KIAA1217: variants seen among roughly 807,000 people sequenced by gnomAD.
The protein encoded by KIAA1217 is sickle tail protein homolog.
In KIAA1217, 88 loss-of-function variants were observed where a neutral mutation model predicts 163.9. The observed-to-expected ratio is 0.54, with a 90% CI of 0.45 to 0.64. KIAA1217 has a LOEUF of 0.64. Ranked by LOEUF, KIAA1217 falls within the 30% of genes least tolerant of loss-of-function variation. KIAA1217 has a pLI of 0.00. For missense variants in KIAA1217, 2,372 were observed against 2,475.0 expected, an observed-to-expected ratio of 0.96 and a Z score of 0.88; for synonymous variants, 903 against 923.1, an observed-to-expected ratio of 0.98 and a Z score of 0.39.
At chr10:24,098,371 T>A (rs2062247261) in intron 2 of KIAA1217, among the ~76,000 whole-genome samples, 1 of 151,718 alleles carries the variant, frequency 6.6e-6, no homozygotes, top group Non-Finnish European at 1.5e-5. Flanking sequence ...GAAAGCAGAG[T>A]GTCTGAAATA....
intron 2 of KIAA1217, among the ~76,000 whole-genome samples, chr10:24,095,668 C>T (rs906835317): frequency 2.0e-5 from 3 of 152,190 alleles, no homozygotes; most frequent in African/African-American, 7.2e-5. Flanking sequence ...CTCTATCACT[C>T]TTATGGTCTC....
chr10:24,230,502 G>GTTT (rs71397936), intron 2 of KIAA1217, among the ~76,000 whole-genome samples: 3,187 of 90,492 alleles, frequency 0.035, 255 homozygotes, highest in East Asian at 0.11. Flanking sequence ...TATTTGTTTT[G>GTTT]TTTTTTTTTT....
intron 1 of KIAA1217, among the ~76,000 whole-genome samples, chr10:23,709,560 A>C (rs1712586223): frequency 6.6e-6 from 1 of 151,978 alleles, no homozygotes; most frequent in African/African-American, 2.4e-5. Context: ...AAAGAAATAG[A>C]AACTTCCTTT....
chr10:24,025,858 T>G (rs572590295), intron 2 of KIAA1217, among the ~76,000 whole-genome samples: 1 of 151,856 alleles, frequency 6.6e-6, no homozygotes, highest in Non-Finnish European at 1.5e-5. Flanking sequence ...TTACCTCATC[T>G]TCCGTGACCT....
chr10:23,752,926 T>G (rs1187779603), intron 1 of KIAA1217, among the ~76,000 whole-genome samples: 1 of 152,146 alleles, frequency 6.6e-6, no homozygotes, highest in Non-Finnish European at 1.5e-5. Context: ...TTGTGAAGAA[T>G]TATCACCCCC....
intron 1 of KIAA1217, among the ~76,000 whole-genome samples, chr10:23,957,750 C>T (rs1844633940): frequency 6.6e-6 from 1 of 152,034 alleles, no homozygotes; most frequent in African/African-American, 2.4e-5. Context: ...AACTCCCAAC[C>T]AACTTTTCCT....
At chr10:24,025,052 A>G (rs554292291) in intron 2 of KIAA1217, among the ~76,000 whole-genome samples, 1 of 151,742 alleles carries the variant, frequency 6.6e-6, no homozygotes, top group African/African-American at 2.4e-5. Context: ...TTCTTATTTT[A>G]TGGTTCCCAC....
In KIAA1217 at chr10:23,937,014, G is replaced by T. The variant is rs574433637; in HGVS notation, c.-320-70211G>T. On this transcript the variant is annotated intron_variant, in intron 1 of 18. Coordinates refer to the KIAA1217 transcript ENST00000376462. The stretch of plus-strand genomic sequence containing the variant: ...CTTCCTCAGTCACATGAGTAGCTAG[G>T]ACCATAGGCACCTGCCATGATGCCT... 1.4e-3 allele frequency among the ~76,000 whole-genome samples: 217 copies of T among 152,182 alleles called. 3 individuals carry two copies. The highest frequency in any genetic ancestry group is 4.8e-3 in the African/African-American group (201 of 41,514).
At chr10:23,966,055 C>A (rs1845054734) in intron 1 of KIAA1217, among the ~76,000 whole-genome samples, 2 of 152,212 alleles carry the variant, frequency 1.3e-5, no homozygotes, top group Non-Finnish European at 2.9e-5. Context: ...CTGAGCACAT[C>A]CCTGCTGGCA....
intron 2 of KIAA1217, among the ~76,000 whole-genome samples, chr10:24,372,086 C>T (rs1166344681): frequency 6.6e-6 from 1 of 152,098 alleles, no homozygotes; most frequent in Non-Finnish European, 1.5e-5. Flanking sequence ...GGGTTGAAAA[C>T]CCATTGAATA....
At chr10:24,285,354 G>A (rs2078434540) in intron 2 of KIAA1217, among the ~76,000 whole-genome samples, 1 of 152,116 alleles carries the variant, frequency 6.6e-6, no homozygotes, top group African/African-American at 2.4e-5. Flanking sequence ...TTTTTATAGT[G>A]TGAGGTCTTA....
At chr10:24,137,402 T>A (rs1194543789) in intron 2 of KIAA1217, among the ~76,000 whole-genome samples, 1 of 152,226 alleles carries the variant, frequency 6.6e-6, no homozygotes, top group Non-Finnish European at 1.5e-5. Flanking sequence ...GAGATTGCTG[T>A]CTTCTTGGTG....
intron 1 of KIAA1217, among the ~76,000 whole-genome samples, chr10:23,872,817 T>C (rs1840522328): frequency 1.3e-5 from 2 of 152,062 alleles, no homozygotes; most frequent in Admixed American, 6.6e-5. Context: ...ATTTTTAGAA[T>C]AGGAATGGAG....
At chr10:23,805,257 G>T (rs1163024809) in intron 1 of KIAA1217, among the ~76,000 whole-genome samples, 1 of 152,078 alleles carries the variant, frequency 6.6e-6, no homozygotes, top group African/African-American at 2.4e-5. Context: ...CAAAGACACA[G>T]AATTGACCTA....
chr10:24,543,248 A>T lies in KIAA1217; in HGVS notation c.3978A>T (p.Thr1326=). 6.2e-7 allele frequency: 1 copy of T among 1,614,136 alleles called. No individual in the cohort carries two copies. Among genetic ancestry groups the T allele is most frequent in the Non-Finnish European group, 8.5e-7 (1 of 1,180,024 alleles). The change falls in exon 19 of 21, where the codon ACA becomes ACT. Residue 1326 remains threonine (T), a synonymous_variant. Coordinates refer to ENST00000376454, the MANE Select transcript of KIAA1217 (RefSeq NM_019590.5). ...KCHVSSHTRL[T]ESSVHDFKTE... Reference sequence around the variant, plus strand: ...ACGTTTCCTCTCACACTAGACTAACAGAATCAAGCGTGCATGATTTTAAAA... The same window carrying T: ...ACGTTTCCTCTCACACTAGACTAACTGAATCAAGCGTGCATGATTTTAAAA...
intron 1 of KIAA1217, among the ~76,000 whole-genome samples, chr10:24,004,573 G>A (rs1160075577): frequency 3.3e-5 from 5 of 152,136 alleles, no homozygotes; most frequent in Non-Finnish European, 5.9e-5. Flanking sequence ...TGCTTACTAC[G>A]AAGAGATCCA....
At chr10:24,294,850 C>T (rs2040401686) in intron 2 of KIAA1217, among the ~76,000 whole-genome samples, 1 of 152,110 alleles carries the variant, frequency 6.6e-6, no homozygotes, top group Non-Finnish European at 1.5e-5. Flanking sequence ...GTCCACATTG[C>T]CAGGGTGTCA....
intron 16 of KIAA1217, among the ~76,000 whole-genome samples, chr10:24,534,055 T>C (rs1209895962): frequency 6.6e-6 from 1 of 152,216 alleles, no homozygotes; most frequent in Non-Finnish European, 1.5e-5. Context: ...CACCAGCACC[T>C]TGGGGCTCAA....
chr10:23,893,980 G>A (rs1021113711), intron 1 of KIAA1217, among the ~76,000 whole-genome samples: 2 of 151,928 alleles, frequency 1.3e-5, no homozygotes, highest in Non-Finnish European at 2.9e-5. Context: ...GGTATTGATG[G>A]GATGTATCTC....
Sources: gnomAD v4.1 joint callset for allele counts (sites outside exome capture counted in the v4.1 genomes callset) on GRCh38, gnomAD v4.1.1 for gene constraint, MANE v1.5 for transcripts, NCBI Gene and HGNC (gene_info 2026-07-23, HGNC 2026-07-21) for gene names.